Variants in TTN observed in about 807,000 individuals in gnomAD.
The protein encoded by TTN is connectin.
TTN carries 1,525 observed loss-of-function variants against 3,223.0 expected under a neutral mutation model. That is an observed-to-expected ratio of 0.47 (90% CI 0.45 to 0.49). The LOEUF (loss-of-function observed/expected upper bound fraction) is 0.49. Ranked by LOEUF, TTN falls within the 20% of genes least tolerant of loss-of-function variation. The pLI is 0.00. For synonymous variants in TTN, 14,094 were observed against 15,161.0 expected, an observed-to-expected ratio of 0.93 and a Z score of 5.17; for missense variants, 40,786 against 43,424.0, an observed-to-expected ratio of 0.94 and a Z score of 5.40.
Position 178,582,061 on chromosome 2 carries a change from G to T in TTN, c.66308C>A (p.Thr22103Asn). ...EKRETQAVNWTKVNRKPIIER... is the reference protein window; with the variant it reads ...EKRETQAVNWNKVNRKPIIER... ...TATAATAGGTTTTCTGTTGACCTTAGTCCAGTTAACAGCCTGGGTTTCCCG... is the reference window on the plus strand; with the variant it reads ...TATAATAGGTTTTCTGTTGACCTTATTCCAGTTAACAGCCTGGGTTTCCCG... Residue 22103 changes from threonine (T) to asparagine (N), a missense_variant, in exon 315 of 363, where the codon ACT (threonine) becomes AAT (asparagine). Coordinates refer to ENST00000589042, the MANE Select transcript of TTN (RefSeq NM_001267550.2). 1 of 1,613,232 alleles carries T rather than the reference G, an allele frequency of 6.2e-7. No individual in the cohort carries two copies. The highest frequency in any genetic ancestry group is 8.5e-7 in the Non-Finnish European group (1 of 1,179,496).
rs774217877 is a variant in TTN, at chr2:178,714,299, G to A, written c.26475C>T (p.Ser8825=). The A allele has an allele frequency of 5.6e-6, 9 of 1,611,912 alleles. No homozygotes were observed. In the African/African-American group the frequency reaches 6.7e-5, roughly 12 times the overall value. ...CATCATCTTTTTACTAACCGAGAAC[G>A]GATAGCGTGGCGAAGCACTCTTGCA... ...AGMQECFATL[S]VLEPATIVEK... Residue 8825 remains serine (S), a synonymous_variant, in exon 91 of 363, where the codon TCC becomes TCT. Coordinates refer to ENST00000589042, the MANE Select transcript of TTN (RefSeq NM_001267550.2).
Position 178,764,677 on chromosome 2 carries a change from A to G in TTN, c.9838T>C (p.Ser3280Pro). 1 of 1,614,144 alleles carries G rather than the reference A, an allele frequency of 6.2e-7. No homozygotes were observed. The highest frequency in any genetic ancestry group is 2.2e-5 in the East Asian group (1 of 44,868). Residue 3280 changes from serine to proline, a missense_variant, in exon 42 of 363, where the codon TCC becomes CCC. Coordinates refer to ENST00000589042, the MANE Select transcript of TTN (RefSeq NM_001267550.2). ...ISWYKEEQLL[S>P]TGFKCKFLHD... Reference sequence around the variant, plus strand: ...AGAAATTTGCACTTGAAGCCAGTGGAAAGCAGCTGCTCTTCCTTGTACCAG... The same window carrying G: ...AGAAATTTGCACTTGAAGCCAGTGGGAAGCAGCTGCTCTTCCTTGTACCAG...
At position 178,528,798 on chromosome 2, in the gene TTN, G is replaced by A. The variant is rs376886668; in HGVS notation, c.106953C>T (p.Tyr35651=). ...NGVELTNSEE[Y]RYGVSGSDQT... ...GATCGCTGCCTGAGACACCATATCG[G>A]TACTCCTCAGAGTTGGTAAGCTCTA... is the stretch of plus-strand genomic sequence containing the variant. Residue 35651 remains tyrosine, a synonymous_variant, in exon 360 of 363, where the codon TAC becomes TAT. Coordinates refer to ENST00000589042, the MANE Select transcript of TTN (RefSeq NM_001267550.2). 2 of 1,613,272 alleles carry A rather than the reference G, an allele frequency of 1.2e-6. No homozygotes were observed. Among genetic ancestry groups the A allele is most frequent in the African/African-American group, 1.3e-5 (1 of 75,012 alleles).
Position 178,575,503 on chromosome 2 carries a change from G to A in TTN, c.70629C>T (p.Asp23543=), listed in dbSNP as rs376809423. 6.2e-7 allele frequency: 1 copy of A among 1,613,672 alleles called. No homozygotes were observed. Among genetic ancestry groups the A allele is most frequent in the Admixed American group, 1.7e-5 (1 of 60,006 alleles). Reference sequence around the variant, plus strand: ...CCAGGCTGACGGTGCTCTTAGTTATGTCCATGATGTTAAGGCTGTCTGGTG... The same window carrying A: ...CCAGGCTGACGGTGCTCTTAGTTATATCCATGATGTTAAGGCTGTCTGGTG... ...PSPPDSLNIM[D]ITKSTVSLAW... is the part of the protein sequence containing the mutation. The change falls in exon 326 of 363, where the codon GAC becomes GAT. Residue 23543 remains aspartate (D), a synonymous_variant. Coordinates refer to ENST00000589042, the MANE Select transcript of TTN (RefSeq NM_001267550.2). This position sits in a 1 kb window ranked among gnomAD's most constrained non-coding sequence, Gnocchi z 4.0.
rs751296201 is a variant in TTN at position 178,532,074 on chromosome 2, A to AATAT, written c.104540_104541insATAT (p.Tyr34847Ter). On this transcript the variant is annotated stop_gained and frameshift_variant, in exon 358 of 363. Coordinates refer to ENST00000589042, the MANE Select transcript of TTN (RefSeq NM_001267550.2). LOFTEE classifies it high-confidence loss of function. ...CAGACACTGGCCTCATTAACTCAATATAAGTTGGAGACAGGGAGCGCCGTC... is the reference window on the plus strand; with the variant it reads ...CAGACACTGGCCTCATTAACTCAATAATATTAAGTTGGAGACAGGGAGCGCCGTC... The AATAT allele has an allele frequency of 6.2e-7, 1 of 1,613,934 alleles. No homozygotes were observed. Among genetic ancestry groups the AATAT allele is most frequent in the Non-Finnish European group, 8.5e-7 (1 of 1,179,872 alleles).
chr2:178,559,432 G>A lies in TTN; in HGVS notation c.86700C>T (p.Asn28900=), dbSNP rs727504793. Residue 28900 remains asparagine, a synonymous_variant, in exon 326 of 363, where the codon AAC becomes AAT. Transcript: ENST00000589042. ...AATTGGTAACTTTGTAGGAGAGGCG[G>A]TTACAGTTGTTGGTCACAGAGACCC... ...KAWVSVTNNC[N]RLSYKVTNLQ... 106 of 1,613,600 alleles carry A rather than the reference G, an allele frequency of 6.6e-5. No homozygotes were observed. Among genetic ancestry groups the A allele is most frequent in the Non-Finnish European group, 8.6e-5 (102 of 1,179,730 alleles).
At position 178,601,323 on chromosome 2, in the gene TTN, A is replaced by C; in HGVS notation, c.55674T>G (p.Arg18558=). The part of the protein sequence containing the change: ...QYFFRVRAEN[R]FGIGPPVETI... ...TTTCCACAGGTGGGCCAATACCAAA[A>C]CGGTTTTCTGCTCGCACACGGAAGA... Residue 18558 remains arginine (R), a synonymous_variant, in exon 287 of 363, where the codon CGT becomes CGG. Coordinates refer to ENST00000589042, the MANE Select transcript of TTN (RefSeq NM_001267550.2). The C allele has an allele frequency of 6.2e-7, 1 of 1,608,070 alleles. No homozygotes were observed. The highest frequency in any genetic ancestry group is 8.5e-7 in the Non-Finnish European group (1 of 1,176,080).
Position 178,569,977 on chromosome 2 carries a change from A to G in TTN, c.76155T>C (p.Ala25385=), listed in dbSNP as rs1553602242. 1.2e-6 allele frequency: 2 copies of G among 1,612,506 alleles called. No individual in the cohort carries two copies. The highest frequency in any genetic ancestry group is 2.2e-5 in the East Asian group (1 of 44,742). The change falls in exon 326 of 363, where the codon GCT becomes GCC. Residue 25385 remains alanine, a synonymous_variant. Coordinates refer to ENST00000589042, the MANE Select transcript of TTN (RefSeq NM_001267550.2). The stretch of plus-strand genomic sequence containing the variant: ...AAGGAGGGCTTGGTTCACTAAGTCC[A>G]GCAGCATTCTCAGCAGAAACTCTGA... ...YEFRVSAENA[A]GLSEPSPPSA... is the part of the protein sequence containing the mutation.
At chr2:178,727,933 C>A in intron 67 of TTN, 70 bp from the exon 68 acceptor site, 1 of 1,468,320 alleles carries the variant, frequency 6.8e-7, no homozygotes, top group Admixed American at 2.6e-5. Flanking sequence ...GTTTTATGGA[C>A]ATTTAAGAAA....
Position 178,678,737 on chromosome 2 carries a change from G to A in TTN, c.33826+10C>T, listed in dbSNP as rs1428575933. The A allele has an allele frequency of 6.3e-7, 1 of 1,599,456 alleles. No homozygotes were observed. Among genetic ancestry groups the A allele is most frequent in the East Asian group, 2.3e-5 (1 of 44,114 alleles). On this transcript the variant is annotated intron_variant, in intron 143 of 362. Transcript: ENST00000589042. ...AAATAAAAATATTGCAACATTGCAAGTTCATGTACCTTTGGCAGGTGGAGC... is the reference window on the plus strand; with the variant it reads ...AAATAAAAATATTGCAACATTGCAAATTCATGTACCTTTGGCAGGTGGAGC...
rs1444767974 is a variant in TTN at position 178,608,250 on chromosome 2, A to G, written c.52633T>C (p.Cys17545Arg). 1.9e-6 allele frequency: 3 copies of G among 1,609,882 alleles called. No individual in the cohort carries two copies. The highest frequency in any genetic ancestry group is 1.3e-5 in the African/African-American group (1 of 74,764). Residue 17545 changes from cysteine to arginine, a missense_variant, in exon 275 of 363, where the codon TGT becomes CGT. Cys to Arg is a radical substitution (Grantham distance 180). Coordinates refer to ENST00000589042, the MANE Select transcript of TTN (RefSeq NM_001267550.2). ...CCAGGTCCAGCTGCATTTTCAGCAC[A>G]TACTCTGAAGACATAGGTGAGTCCT... ...LEGLTYVFRV[C>R]AENAAGPGKF...
chr2:178,713,858 A>T, intron 92 of TTN, 39 bp downstream of exon 92: 1 of 1,601,848 alleles, frequency 6.2e-7, no homozygotes, highest in East Asian at 2.2e-5. Context: ...GAACTACATT[A>T]TTATAATGAT....
rs542156552 is a variant in TTN, at chr2:178,584,958, G to A, written c.64683C>T (p.Gly21561=). The A allele has an allele frequency of 5.6e-6, 9 of 1,612,938 alleles. No individual in the cohort carries two copies. The highest frequency in any genetic ancestry group is 7.6e-6 in the Non-Finnish European group (9 of 1,179,480). Residue 21561 remains glycine, a synonymous_variant, in exon 310 of 363, where the codon GGC becomes GGT. Transcript: ENST00000589042. ...AAATGTCAAATGGAGGCTGAGGGGG[G>A]CCGGGGGCATCTACATGAACCAAGA... ...KIKVVVMDAP[G]PPQPPFDISD... is the part of the protein sequence containing the mutation.
intron 327 of TTN, 44 bp downstream of exon 327, chr2:178,558,297 T>G (rs764266511): frequency 6.3e-7 from 1 of 1,592,736 alleles, no homozygotes; most frequent in African/African-American, 1.4e-5. Context: ...CATAAATCAA[T>G]GCAAATAATT....
At chr2:178,539,305 T>C in intron 352 of TTN, 54 bp from the exon 353 acceptor site, 1 of 1,597,824 alleles carries the variant, frequency 6.3e-7, no homozygotes, top group Non-Finnish European at 8.5e-7. Context: ...CCAAGTATTA[T>C]AAGCCAATGA....
intron 69 of TTN, 143 bp downstream of exon 69, chr2:178,726,946 TA>T: frequency 3.5e-6 from 3 of 851,424 alleles, no homozygotes; most frequent in Non-Finnish European, 4.8e-6. Context: ...GGAAACCATC[TA>T]AAAAGGGAAA....
In TTN at chr2:178,590,705, T is replaced by C; in HGVS notation, c.61020A>G (p.Thr20340=). The C allele has an allele frequency of 6.2e-7, 1 of 1,613,118 alleles. No homozygotes were observed. The highest frequency in any genetic ancestry group is 2.2e-5 in the East Asian group (1 of 44,758). ...TTTCAGCAAAAACTCTAAACTCATA[T>C]GTATTTCCTTCATAGAGTCCAGTCA... ...FRVTGLYEGN[T]YEFRVFAENL... is the part of the protein sequence containing the mutation. The change falls in exon 304 of 363, where the codon ACA becomes ACG. Residue 20340 remains threonine (T), a synonymous_variant. Coordinates refer to ENST00000589042, the MANE Select transcript of TTN (RefSeq NM_001267550.2).
intron 349 of TTN, chr2:178,542,007 T>G (rs1694794462): frequency 2.9e-6 from 1 of 346,804 alleles, no homozygotes; most frequent in Non-Finnish European, 5.2e-6. Context: ...TTCCATTCCT[T>G]TCTTCCTAAC....
rs541464855 is a variant in TTN at position 178,569,513 on chromosome 2, G to T, written c.76619C>A (p.Pro25540Gln). 8 of 1,612,628 alleles carry T rather than the reference G, an allele frequency of 5.0e-6. No individual in the cohort carries two copies. In the Admixed American group the frequency reaches 1.3e-4, roughly 27 times the overall value. Residue 25540 changes from proline (P) to glutamine (Q), a missense_variant, in exon 326 of 363, where the codon CCA (proline) becomes CAA (glutamine). By Grantham distance (76) the Pro-to-Gln change is moderately conservative (BLOSUM62 -1). Transcript: ENST00000589042. ...ATCCACCTTTCCCCATTTAACTTCT[G>T]GTGTAGGACGACCTTTTATAGGAAC... Reference protein sequence around the residue: ...LFVPIKGRPTPEVKWGKVDGE... With the variant: ...LFVPIKGRPTQEVKWGKVDGE...
Sources: gnomAD v4.1 joint callset for allele counts on GRCh38, gnomAD v4.1.1 for gene constraint, Gnocchi (gnomAD v3.1) non-coding constraint, MANE v1.5 for transcripts, NCBI Gene and HGNC (gene_info 2026-07-23, HGNC 2026-07-21) for gene names.